PCDH15: variants seen among roughly 807,000 people sequenced by gnomAD.
PCDH15 encodes protocadherin-15.
A neutral mutation model predicts 178.5 loss-of-function variants in PCDH15; 129 were observed. The ratio of observed to expected loss-of-function variants is 0.72; its 90% CI spans 0.63 to 0.84. The LOEUF is 0.84. PCDH15 is among the 40% of genes least tolerant of loss of function. The pLI, the probability that PCDH15 is intolerant of heterozygous loss-of-function variation, is 0.00. For missense variants in PCDH15, 2,230 were observed against 2,099.9 expected, an observed-to-expected ratio of 1.06 and a Z score of -1.21; for synonymous variants, 800 against 732.0, an observed-to-expected ratio of 1.09 and a Z score of -1.50.
intron 10 of PCDH15, among the ~76,000 whole-genome samples, chr10:54,202,422 A>G (rs1270131405): frequency 6.6e-6 from 1 of 152,124 alleles, no homozygotes; most frequent in East Asian, 1.9e-4. Context: ...CACCAGAGGT[A>G]AGGGACAGAT....
chr10:54,563,977 C>A (rs1221699147), intron 2 of PCDH15, among the ~76,000 whole-genome samples: 5 of 152,054 alleles, frequency 3.3e-5, no homozygotes, highest in Non-Finnish European at 7.4e-5. Flanking sequence ...AAACAAAAAA[C>A]CTTAGTGAGC....
chr10:54,304,051 G>A (rs889205646), intron 8 of PCDH15, among the ~76,000 whole-genome samples: 4 of 152,002 alleles, frequency 2.6e-5, no homozygotes, highest in African/African-American at 9.7e-5. Flanking sequence ...GTTTTTGGAT[G>A]TTTATTACAA....
intron 1 of PCDH15, among the ~76,000 whole-genome samples, chr10:54,700,446 C>G (rs1360449966): frequency 6.6e-6 from 1 of 151,950 alleles, no homozygotes; most frequent in Non-Finnish European, 1.5e-5. Context: ...ACTCAAAACC[C>G]AATCCAAGGA....
chr10:54,391,781 G>A (rs1197325919), intron 3 of PCDH15, among the ~76,000 whole-genome samples: 1 of 152,162 alleles, frequency 6.6e-6, no homozygotes, highest in East Asian at 1.9e-4. Flanking sequence ...GGAGCCTTCT[G>A]ATGCAATCCA....
intron 1 of PCDH15, among the ~76,000 whole-genome samples, chr10:54,779,474 A>ATG (rs1950093726): frequency 8.7e-6 from 1 of 114,420 alleles, no homozygotes; most frequent in Non-Finnish European, 1.9e-5. Context: ...GTATATATAT[A>ATG]CACACATATA....
intron 2 of PCDH15, among the ~76,000 whole-genome samples, chr10:55,370,074 G>A (rs1208949069): frequency 6.6e-6 from 1 of 152,066 alleles, no homozygotes; most frequent in Non-Finnish European, 1.5e-5. Context: ...ATATCCACTT[G>A]TAGGGAGAGT....
intron 1 of PCDH15, among the ~76,000 whole-genome samples, chr10:55,284,059 G>A (rs1420895812): frequency 6.6e-6 from 1 of 152,114 alleles, no homozygotes; most frequent in Non-Finnish European, 1.5e-5. Context: ...GTGAAACCCA[G>A]AGATATTGCA....
chr10:54,507,610 T>C (rs934635704), intron 3 of PCDH15, among the ~76,000 whole-genome samples: 28 of 151,922 alleles, frequency 1.8e-4, no homozygotes, highest in Admixed American at 1.3e-4. Flanking sequence ...ACTCATATGA[T>C]CTCTCACATC....
intron 2 of PCDH15, among the ~76,000 whole-genome samples, chr10:55,040,127 T>A (rs1298254208): frequency 6.6e-6 from 1 of 152,080 alleles, no homozygotes; most frequent in Non-Finnish European, 1.5e-5. Flanking sequence ...GAAATAATGT[T>A]CTGAGACCCT....
chr10:55,369,032 A>C (rs963849819), intron 2 of PCDH15, among the ~76,000 whole-genome samples: 1 of 150,336 alleles, frequency 6.7e-6, no homozygotes, highest in Non-Finnish European at 1.5e-5. Flanking sequence ...AAAAAAAAAA[A>C]ACCCCAGCAA....
intron 21 of PCDH15, among the ~76,000 whole-genome samples, chr10:53,962,727 AC>A (rs2088494830): frequency 1.3e-5 from 2 of 152,174 alleles, no homozygotes; most frequent in Admixed American, 6.5e-5. Flanking sequence ...AAACAAAGTC[AC>A]TTTTAAAGAA....
intron 1 of PCDH15, among the ~76,000 whole-genome samples, chr10:55,204,517 G>GCTA (rs1303657167): frequency 2.5e-5 from 3 of 118,350 alleles, no homozygotes; most frequent in Admixed American, 8.1e-5. Flanking sequence ...CTTAGAAAAG[G>GCTA]CTACTATACC....
chr10:55,450,631 C>T (rs1839413918), intron 2 of PCDH15, among the ~76,000 whole-genome samples: 1 of 152,004 alleles, frequency 6.6e-6, no homozygotes, highest in Admixed American at 6.6e-5. Flanking sequence ...TTCAGTAGTT[C>T]TATTGTATAG....
At chr10:54,929,992 T>C (rs184892046) in intron 2 of PCDH15, among the ~76,000 whole-genome samples, 33 of 152,304 alleles carry the variant, frequency 2.2e-4, no homozygotes, top group African/African-American at 5.8e-4. Flanking sequence ...ATTTGTTTTC[T>C]AACTAAGAGC....
intron 2 of PCDH15, among the ~76,000 whole-genome samples, chr10:55,421,272 A>T (rs1416291307): frequency 3.3e-5 from 5 of 151,410 alleles, no homozygotes; most frequent in Admixed American, 6.6e-5. Context: ...ATTAAGAATT[A>T]AAAAAATTAA....
rs146035779 is a variant in PCDH15, at chr10:53,835,896, G to A, written c.3984-4363C>T. On this transcript the variant is annotated intron_variant, in intron 29 of 37. Transcript: ENST00000644397. Reference sequence around the variant, plus strand: ...TAAGATAGATTGGGGGACAAGGCAGGACACAAGAGAATATTCCTTCATGGT... The same window carrying A: ...TAAGATAGATTGGGGGACAAGGCAGAACACAAGAGAATATTCCTTCATGGT... 7.2e-3 allele frequency among the ~76,000 whole-genome samples: 1,101 copies of A among 152,294 alleles called. 12 individuals are homozygous for A. Among genetic ancestry groups the A allele is most frequent in the African/African-American group, 0.023 (950 of 41,556 alleles).
chr10:55,577,295 T>C (rs1327979251), intron 2 of PCDH15, among the ~76,000 whole-genome samples: 2 of 152,084 alleles, frequency 1.3e-5, no homozygotes, highest in Non-Finnish European at 2.9e-5. Context: ...TATTTAAACT[T>C]GGCCAAAATT....
At chr10:54,656,563 A>T (rs2135316876) in intron 2 of PCDH15, among the ~76,000 whole-genome samples, 1 of 152,260 alleles carries the variant, frequency 6.6e-6, no homozygotes, top group Non-Finnish European at 1.5e-5. Flanking sequence ...GTGTACACAT[A>T]GTGGGCCACT....
Position 53,806,708 on chromosome 10 carries a change from C to G in PCDH15, c.5094G>C (p.Gln1698His). Residue 1698 changes from glutamine to histidine, a missense_variant, in exon 38 of 38, where the codon CAG becomes CAC. Coordinates refer to ENST00000644397, the MANE Select transcript of PCDH15 (RefSeq NM_001384140.1). ...LRNRLKSTVE[Q>H]ESMIDSKNIK... ...TGTTCTTACTGTCAATCATGGACTC[C>G]TGTTCAACTGTGCTTTTCAGCCTGT... 1.2e-6 allele frequency: 2 copies of G among 1,613,836 alleles called. No individual in the cohort carries two copies. The highest frequency in any genetic ancestry group is 8.5e-7 in the Non-Finnish European group (1 of 1,179,818).
Sources: gnomAD v4.1 joint callset for allele counts (sites outside exome capture counted in the v4.1 genomes callset) on GRCh38, gnomAD v4.1.1 for gene constraint, MANE v1.5 for transcripts, NCBI Gene and HGNC (gene_info 2026-07-23, HGNC 2026-07-21) for gene names.